The following CCDC171 variants were observed in gnomAD, a reference collection of about 807,000 sequenced individuals.
CCDC171 encodes the protein coiled-coil domain containing 171.
Under a neutral mutation model 168.2 loss-of-function variants are expected in CCDC171, and 177 were observed. The observed-to-expected ratio is 1.05, with a 90% confidence interval of 0.93 to 1.19. CCDC171 has a LOEUF of 1.19. Ranked by LOEUF, CCDC171 falls within the 50% of genes most tolerant of loss-of-function variation. CCDC171 has a pLI of 0.00. For missense variants in CCDC171, 1,991 were observed against 1,539.0 expected, an observed-to-expected ratio of 1.29 and a Z score of -4.91; for synonymous variants, 687 against 540.8, an observed-to-expected ratio of 1.27 and a Z score of -3.75.
chr9:16,033,290 G>A (rs1227474759), intron 6 of CCDC171, among the ~76,000 whole-genome samples: 1 of 152,130 alleles, frequency 6.6e-6, no homozygotes, highest in African/African-American at 2.4e-5. Flanking sequence ...TTAGGAAATG[G>A]GCTGCACAAC....
At chr9:15,633,714 C>T (rs938732005) in intron 7 of CCDC171, among the ~76,000 whole-genome samples, 2 of 152,132 alleles carry the variant, frequency 1.3e-5, no homozygotes, top group African/African-American at 4.8e-5. Context: ...ACTATACAGA[C>T]ACATGCACAC....
intron 18 of CCDC171, among the ~76,000 whole-genome samples, chr9:15,772,943 G>A (rs2057090534): frequency 6.6e-6 from 1 of 151,546 alleles, no homozygotes; most frequent in South Asian, 2.1e-4. Context: ...GAACTGAGGT[G>A]GAATTAAATT....
rs1383756304 is a variant in CCDC171, at chr9:15,818,709, A to G, written c.3268-27993A>G. On this transcript the variant is annotated intron_variant, in intron 21 of 25. Transcript: ENST00000380701. ...GGGACTATGTGGAAAGACCACATCT[A>G]CGTCTGATTGGTGTACCTGAAAGTG... 1.7e-5 allele frequency among the ~76,000 whole-genome samples: 2 copies of G among 118,316 alleles called. 1 individual carries two copies. Among genetic ancestry groups the G allele is most frequent in the Admixed American group, 1.6e-4 (2 of 12,540 alleles). The allele number at this position is 118,316 out of a possible 152,430, so 77.6% of individuals were successfully genotyped here.
intron 21 of CCDC171, among the ~76,000 whole-genome samples, chr9:15,795,573 C>G (rs1313683817): frequency 6.6e-6 from 1 of 152,152 alleles, no homozygotes; most frequent in Non-Finnish European, 1.5e-5. Context: ...GAGCTGAACT[C>G]TAATTAGCTC....
At chr9:16,032,210 C>G (rs1195729047) in intron 6 of CCDC171, among the ~76,000 whole-genome samples, 1 of 152,142 alleles carries the variant, frequency 6.6e-6, no homozygotes, top group African/African-American at 2.4e-5. Context: ...GGGAAGGGCC[C>G]TGCTCTGGAA....
intron 21 of CCDC171, among the ~76,000 whole-genome samples, chr9:15,800,662 C>A (rs764229341): frequency 6.6e-6 from 1 of 151,702 alleles, no homozygotes; most frequent in Non-Finnish European, 1.5e-5. Flanking sequence ...TGTGCTTGTG[C>A]GATATTTCTT....
chr9:15,679,199 G>C (rs1212246330), intron 10 of CCDC171, among the ~76,000 whole-genome samples: 1 of 152,026 alleles, frequency 6.6e-6, no homozygotes, highest in Non-Finnish European at 1.5e-5. Context: ...CTTAGATTAA[G>C]GGTGATTAGG....
chr9:16,058,017 A>G (rs1833869248), intron 1 of CCDC171, among the ~76,000 whole-genome samples: 1 of 151,046 alleles, frequency 6.6e-6, no homozygotes, highest in Admixed American at 6.6e-5. Context: ...TCTAGGGGAG[A>G]GTTGAAGCCA....
chr9:15,556,716 T>C (rs1490380428), intron 1 of CCDC171, among the ~76,000 whole-genome samples: 9 of 151,974 alleles, frequency 5.9e-5, no homozygotes, highest in Non-Finnish European at 1.2e-4. Context: ...TGGTAGTTTC[T>C]TTTGCTGTGC....
At chr9:15,637,458 TTTG>T (rs1264418828) in intron 7 of CCDC171, among the ~76,000 whole-genome samples, 1 of 151,886 alleles carries the variant, frequency 6.6e-6, no homozygotes, top group African/African-American at 2.4e-5. Flanking sequence ...TTAAAATTTT[TTTG>T]TTTATTTTAT....
chr9:15,674,667 G>C (rs7848511), intron 9 of CCDC171, among the ~76,000 whole-genome samples: 69,533 of 152,046 alleles, frequency 0.46, 16,192 homozygotes, highest in Non-Finnish European at 0.5. Flanking sequence ...TAGTTGAGCA[G>C]TTTTGAGTGA....
intron 3 of CCDC171, among the ~76,000 whole-genome samples, chr9:15,577,724 C>T (rs1237962801): frequency 6.6e-6 from 1 of 152,186 alleles, no homozygotes. Context: ...GAGATTAAGA[C>T]AACCCAACAT....
intron 11 of CCDC171, among the ~76,000 whole-genome samples, chr9:15,718,389 C>G (rs2053228932): frequency 6.6e-6 from 1 of 152,238 alleles, no homozygotes; most frequent in Admixed American, 6.5e-5. Flanking sequence ...CTTCCCAGGA[C>G]CTGGGGGAGC....
chr9:15,962,698 A>T (rs1268635092), intron 25 of CCDC171, among the ~76,000 whole-genome samples: 2 of 152,172 alleles, frequency 1.3e-5, no homozygotes, highest in African/African-American at 2.4e-5. Flanking sequence ...TGATTCAAAT[A>T]ATTTTAAAGA....
chr9:15,934,104 C>T (rs1927697), intron 25 of CCDC171, among the ~76,000 whole-genome samples: 47,857 of 151,714 alleles, frequency 0.32, 9,430 homozygotes, highest in East Asian at 0.62. Flanking sequence ...TAAAAAATCA[C>T]AGAGGACTTG....
rs751139351 is a variant in CCDC171, at chr9:15,729,599, TC to T, written c.1861-7del. On this transcript the variant is annotated splice_polypyrimidine_tract_variant and intron_variant, in intron 15 of 25. Transcript: ENST00000380701. ...AGCATATTTCCTTCTCTGTTGCATCTCCCCGTATAGATAAGGCATCTAGAGT... is the reference window on the plus strand; with the variant it reads ...AGCATATTTCCTTCTCTGTTGCATCTCCCGTATAGATAAGGCATCTAGAGT... 1 of 1,584,038 alleles carries T rather than the reference TC, an allele frequency of 6.3e-7. No homozygotes were observed. Among genetic ancestry groups the T allele is most frequent in the Non-Finnish European group, 8.6e-7 (1 of 1,160,644 alleles).
Position 15,972,786 on chromosome 9 carries a change from C to T in CCDC171, c.*950C>T, listed in dbSNP as rs1005930576. On this transcript the variant is annotated 3_prime_UTR_variant, in exon 26 of 26. Coordinates refer to ENST00000380701, the MANE Select transcript of CCDC171 (RefSeq NM_173550.4). ...TTGCCCTGCATTTTCTGCCTTGTAG[C>T]ACACAAAAGTAAAATTGTATGTCAG... The T allele has an allele frequency of 6.6e-6, 1 of 152,104 alleles. No individual in the cohort carries two copies. The highest frequency in any genetic ancestry group is 1.9e-4 in the East Asian group (1 of 5,188). 9.4% of individuals were successfully genotyped at this position (152,104 alleles called of 1,614,324 possible).
At chr9:15,709,321 T>A (rs1388921950) in intron 11 of CCDC171, among the ~76,000 whole-genome samples, 8 of 152,146 alleles carry the variant, frequency 5.3e-5, no homozygotes, top group Non-Finnish European at 7.4e-5. Context: ...TATGACAGAA[T>A]TGACATTAGA....
intron 6 of CCDC171, among the ~76,000 whole-genome samples, chr9:15,604,543 C>T (rs2043084860): frequency 6.6e-6 from 1 of 152,100 alleles, no homozygotes; most frequent in Admixed American, 6.5e-5. Flanking sequence ...TATTCATCGA[C>T]TAAATTTGGT....
Sources: gnomAD v4.1 joint callset for allele counts (sites outside exome capture counted in the v4.1 genomes callset) on GRCh38, gnomAD v4.1.1 for gene constraint, MANE v1.5 for transcripts, NCBI Gene and HGNC (gene_info 2026-07-23, HGNC 2026-07-21) for gene names.